SYN1: variants seen among roughly 807,000 people sequenced by gnomAD.
SYN1 encodes the protein synapsin-1.
Under a neutral mutation model 44.6 loss-of-function variants are expected in SYN1, and 8 were observed. The ratio of observed to expected loss-of-function variants is 0.18; its 90% CI spans 0.11 to 0.32. The LOEUF is 0.32. Among genes scored for constraint, SYN1 ranks in the 10% least tolerant of loss-of-function variants. The pLI, the probability that SYN1 is intolerant of heterozygous loss-of-function variation, is 1.00. For synonymous variants in SYN1, 275 were observed against 280.1 expected, an observed-to-expected ratio of 0.98 and a Z score of 0.18; for missense variants, 451 against 639.4, an observed-to-expected ratio of 0.71 and a Z score of 3.18.
intron 6 of SYN1, 54 bp from the exon 7 acceptor site, chrX:47,576,694 G>A: frequency 1.7e-6 from 2 of 1,199,854 alleles, no homozygotes; most frequent in Admixed American, 2.2e-5. Flanking sequence ...CAGCTGTGGG[G>A]AGTGGGGGTG....
At position 47,572,661 on chromosome X, in the gene SYN1, G is replaced by T; in HGVS notation, c.*203C>A. 1 of 480,544 alleles carries T rather than the reference G, an allele frequency of 2.1e-6. No homozygotes were observed. Among genetic ancestry groups the T allele is most frequent in the Middle Eastern group, 6.3e-4 (1 of 1,581 alleles). 39.6% of individuals were successfully genotyped at this position (480,544 alleles called of 1,213,427 possible). On this transcript the variant is annotated 3_prime_UTR_variant, in exon 13 of 13. Transcript: ENST00000295987. ...ACGAGTGGGGTTCTAAAAGGACTTG[G>T]GGATTCCACATGTGAGAACCGGATT...
intron 5 of SYN1, among the ~76,000 whole-genome samples, chrX:47,584,723 A>G (rs925497294): frequency 7.1e-5 from 8 of 112,150 alleles, no homozygotes; most frequent in Admixed American, 1.9e-4. Context: ...AAATCAATGT[A>G]TGAAAATGGC....
At chrX:47,608,448 G>A (rs900137885) in intron 1 of SYN1, among the ~76,000 whole-genome samples, 2 of 111,895 alleles carry the variant, frequency 1.8e-5, no homozygotes, top group East Asian at 2.8e-4. Context: ...TGGCCCTTTC[G>A]CAAGGAGGAG....
chrX:47,580,099 C>A (rs1275950490), intron 5 of SYN1, among the ~76,000 whole-genome samples: 9 of 109,390 alleles, frequency 8.2e-5, no homozygotes, highest in Non-Finnish European at 1.5e-4. Context: ...GGCTTAACAT[C>A]TCTTCCTTAA....
chrX:47,590,561 C>A (rs990697451), intron 5 of SYN1, among the ~76,000 whole-genome samples: 5 of 112,351 alleles, frequency 4.5e-5, no homozygotes, highest in African/African-American at 1.6e-4. Flanking sequence ...CTACACTGGT[C>A]CTTGGGACAT....
rs148814895 is a variant in SYN1, at chrX:47,572,070, A to G, written c.*794T>C. 4.6e-3 allele frequency: 610 copies of G among 133,457 alleles called. 7 individuals are homozygous for G. The highest frequency in any genetic ancestry group is 0.019 in the African/African-American group (581 of 31,383). The allele number at this position is 133,457 out of a possible 1,213,427, so 11.0% of individuals were successfully genotyped here. A position where few individuals can be genotyped will look rare whatever the true frequency, so the allele number is the denominator to read the frequency against. ...AGGCGGCACGATGAACGAGGACCAC[A>G]TATGCCAAGCACGGCACAAAAGGAG... On this transcript the variant is annotated 3_prime_UTR_variant, in exon 13 of 13. Coordinates refer to ENST00000295987, the MANE Select transcript of SYN1 (RefSeq NM_006950.3).
intron 5 of SYN1, chrX:47,582,478 A>G (rs1379028848): frequency 7.0e-6 from 2 of 284,447 alleles, no homozygotes; most frequent in Non-Finnish European, 1.4e-5. Context: ...ACCAGAGGTA[A>G]GCAGGGCCCG....
chrX:47,593,868 T>C (rs1186803304), intron 5 of SYN1, among the ~76,000 whole-genome samples: 1 of 112,453 alleles, frequency 8.9e-6, no homozygotes, highest in Non-Finnish European at 1.9e-5. Context: ...TTCTATTTTA[T>C]CTGTGGATGC....
At chrX:47,573,756 G>A (rs1432618361) in intron 12 of SYN1, among the ~76,000 whole-genome samples, 1 of 110,832 alleles carries the variant, frequency 9.0e-6, no homozygotes, top group African/African-American at 3.3e-5. Context: ...CCTTTGAGGA[G>A]GAATTCGAAC....
Position 47,613,181 on chromosome X carries a change from G to A in SYN1, c.378-5983C>T, listed in dbSNP as rs754704659. ...AGGGAGGAGCGAGGATCTTTGGATC[G>A]TGTGTTAACACCCACCAGACAGCAT... On this transcript the variant is annotated intron_variant, in intron 1 of 12. Transcript: ENST00000295987. Among the ~76,000 whole-genome samples the A allele has an allele frequency of 1.1e-3, 111 of 105,315 alleles. 2 individuals carry two copies. Among genetic ancestry groups the A allele is most frequent in the Admixed American group, 4.1e-3 (40 of 9,810 alleles). 91.5% of individuals were successfully genotyped at this position (105,315 alleles called of 115,157 possible). A position where few individuals can be genotyped will look rare whatever the true frequency, so the allele number is the denominator to read the frequency against.
chrX:47,598,535 A>G (rs1473714415), intron 5 of SYN1, among the ~76,000 whole-genome samples: 9 of 112,026 alleles, frequency 8.0e-5, no homozygotes, highest in Non-Finnish European at 1.7e-4. Context: ...TCTACAAAAA[A>G]ATTAAAAATT....
chrX:47,619,772 G>C lies in SYN1; in HGVS notation c.-44C>G, dbSNP rs1316405737. On this transcript the variant is annotated 5_prime_UTR_variant, in exon 1 of 13. Transcript: ENST00000295987. ...GGGGTCCTAGGGGTGGTCTGGCCAGGAGCCGCGGGGGCGGACTGCGCGGTG... is the reference window on the plus strand; with the variant it reads ...GGGGTCCTAGGGGTGGTCTGGCCAGCAGCCGCGGGGGCGGACTGCGCGGTG... 8.8e-7 allele frequency: 1 copy of C among 1,140,614 alleles called. No homozygotes were observed. The highest frequency in any genetic ancestry group is 1.9e-5 in the South Asian group (1 of 51,446). The allele number at this position is 1,140,614 out of a possible 1,213,427, so 94.0% of individuals were successfully genotyped here.
At chrX:47,607,313 T>C in intron 1 of SYN1, 115 bp from the exon 2 acceptor site, 2 of 612,670 alleles carry the variant, frequency 3.3e-6, no homozygotes, top group Non-Finnish European at 5.2e-6. Flanking sequence ...CAAAGTGCCT[T>C]ATAATTATTG....
At position 47,574,256 on chromosome X, in the gene SYN1, C is replaced by T. The variant is rs1230257627; in HGVS notation, c.1728G>A (p.Lys576=). Residue 576 remains lysine, a synonymous_variant, in exon 12 of 13, where the codon AAG becomes AAA. Coordinates refer to ENST00000295987, the MANE Select transcript of SYN1 (RefSeq NM_006950.3). The stretch of plus-strand genomic sequence containing the variant: ...GCCCGCCCGGTGGGGCCCCAGAGGC[C>T]TTTGGCGGAGCCGGGCCAGAGACGG... ...QTSVSGPAPP[K]ASGAPPGGQQ... 3.6e-6 allele frequency: 4 copies of T among 1,102,583 alleles called. No individual in the cohort carries two copies. Among genetic ancestry groups the T allele is most frequent in the Non-Finnish European group, 4.7e-6 (4 of 848,558 alleles). The allele number at this position is 1,102,583 out of a possible 1,213,427, so 90.9% of individuals were successfully genotyped here.
Position 47,619,814 on chromosome X carries a change from C to A in SYN1, c.-86G>T. 2.0e-6 allele frequency: 2 copies of A among 990,638 alleles called. No homozygotes were observed. The highest frequency in any genetic ancestry group is 2.7e-6 in the Non-Finnish European group (2 of 735,264). The allele number at this position is 990,638 out of a possible 1,213,427, so 81.6% of individuals were successfully genotyped here. The stretch of plus-strand genomic sequence containing the variant: ...TGCGCGGTGCCCAGGAGCACAGCTG[C>A]GCTCTCAGGCACGACACGACTCCTC... On this transcript the variant is annotated 5_prime_UTR_variant, in exon 1 of 13. Coordinates refer to ENST00000295987, the MANE Select transcript of SYN1 (RefSeq NM_006950.3).
intron 5 of SYN1, among the ~76,000 whole-genome samples, chrX:47,595,530 T>C (rs1030463246): frequency 1.5e-4 from 17 of 112,182 alleles, no homozygotes; most frequent in African/African-American, 5.5e-4. Context: ...AATTAATTGC[T>C]TCTTGGTGTG....
intron 10 of SYN1, 64 bp downstream of exon 10, chrX:47,575,064 G>C: frequency 2.6e-6 from 3 of 1,153,028 alleles, no homozygotes; most frequent in South Asian, 3.8e-5. Context: ...TCATGGCACA[G>C]CATGACCCAG....
In SYN1 at chrX:47,583,672, C is replaced by T. The variant is rs1164764335; in HGVS notation, c.775-6171G>A. 9.7e-6 allele frequency: 7 copies of T among 720,664 alleles called. No homozygotes were observed. In the East Asian group the frequency reaches 1.9e-4, roughly 19 times the overall value. The allele number at this position is 720,664 out of a possible 1,213,427, so 59.4% of individuals were successfully genotyped here. A position where few individuals can be genotyped will look rare whatever the true frequency, so the allele number is the denominator to read the frequency against. On this transcript the variant is annotated intron_variant, in intron 5 of 12. Transcript: ENST00000295987. ...CCTCTGCTTTAGCCACACTGGCATC[C>T]TCACACTTCCTTGAGTACTCTGTGC...
chrX:47,585,682 C>G (rs1216785117), intron 5 of SYN1: 10 of 1,208,943 alleles, frequency 8.3e-6, no homozygotes, highest in Non-Finnish European at 1.1e-5. Context: ...GTGCCTGGAC[C>G]CTGACCTCCA....
Sources: gnomAD v4.1 joint callset for allele counts (sites outside exome capture counted in the v4.1 genomes callset) on GRCh38, gnomAD v4.1.1 for gene constraint, MANE v1.5 for transcripts, NCBI Gene and HGNC (gene_info 2026-07-23, HGNC 2026-07-21) for gene names.